HERC1: variants seen among roughly 807,000 people sequenced by gnomAD.
The protein encoded by HERC1 is probable E3 ubiquitin-protein ligase HERC1.
A neutral mutation model predicts 554.3 loss-of-function variants in HERC1; 160 were observed. The observed-to-expected ratio is 0.29, with a 90% CI of 0.25 to 0.33. The LOEUF (loss-of-function observed/expected upper bound fraction) is 0.33, where lower values mean the gene tolerates loss of function less well. Ranked by LOEUF, HERC1 falls within the 10% of genes least tolerant of loss-of-function variation. The probability of loss-of-function intolerance (pLI) is 1.00; values close to 1 mark genes in which losing one functional copy is unlikely to be tolerated. For synonymous variants in HERC1, 2,175 were observed against 2,131.7 expected (o/e 1.02, Z -0.56); for missense variants, 4,919 against 5,918.5 (o/e 0.83, Z 5.54).
At chr15:63,703,528 C>T (rs2072842188) in intron 25 of HERC1, among the ~76,000 whole-genome samples, 1 of 152,126 alleles carries the variant, frequency 6.6e-6, no homozygotes, top group African/African-American at 2.4e-5. Flanking sequence ...CTAGTAAATG[C>T]AAATGCTGTA....
At chr15:63,795,168 G>C (rs1249458291) in intron 1 of HERC1, among the ~76,000 whole-genome samples, 1 of 149,142 alleles carries the variant, frequency 6.7e-6, no homozygotes, top group African/African-American at 2.5e-5. Context: ...TATCAATACA[G>C]TTTTAAAGCA....
chr15:63,730,296 AT>A (rs1047918986), intron 14 of HERC1, among the ~76,000 whole-genome samples: 27 of 149,110 alleles, frequency 1.8e-4, no homozygotes, highest in African/African-American at 4.7e-4. Context: ...CTCTAAAAAA[AT>A]TTTTTTTTTT....
rs74449517 is a variant in HERC1, at chr15:63,768,067, T to C, written c.931-3876A>G. ...TCAGCTGTTCCAAATCCCTCACTTC[T>C]CAGATAGCTTTCAATAACTATGATA... is the stretch of plus-strand genomic sequence containing the variant. On this transcript the variant is annotated intron_variant, in intron 2 of 77. Coordinates refer to ENST00000443617, the MANE Select transcript of HERC1 (RefSeq NM_003922.4). Among the ~76,000 whole-genome samples the C allele has an allele frequency of 6.6e-5, 10 of 152,220 alleles. No homozygotes were observed. In the East Asian group the frequency reaches 1.9e-3, roughly 29 times the overall value.
chr15:63,648,054 T>C lies in HERC1; in HGVS notation c.10878+15A>G, dbSNP rs143199500. ...TTGTATCCCATAAAATTACGTTTTT[T>C]AAAGATGCATTTACCTTATGTGCAT... On this transcript the variant is annotated intron_variant, in intron 55 of 77. Coordinates refer to ENST00000443617, the MANE Select transcript of HERC1 (RefSeq NM_003922.4). 4.5e-6 allele frequency: 7 copies of C among 1,548,098 alleles called. No homozygotes were observed. In the East Asian group the frequency reaches 1.7e-4, roughly 38 times the overall value.
Position 63,645,030 on chromosome 15 carries a change from T to C in HERC1, c.11146A>G (p.Ser3716Gly), listed in dbSNP as rs1595883526. The C allele has an allele frequency of 6.2e-7, 1 of 1,613,690 alleles. No individual in the cohort carries two copies. The highest frequency in any genetic ancestry group is 2.2e-5 in the East Asian group (1 of 44,870). Residue 3716 changes from serine to glycine, a missense_variant, in exon 57 of 78, where the codon AGT (serine) becomes GGT (glycine). By Grantham distance (56) the Ser-to-Gly change is moderately conservative (BLOSUM62 0). Around this residue, in one of 11 missense-constraint regions of HERC1, gnomAD observed 1,963 missense variants for 2,228.6 expected, o/e 0.88. Coordinates refer to ENST00000443617, the MANE Select transcript of HERC1 (RefSeq NM_003922.4). ...PQDTTQTNVT[S>G]AEGWWEQESN... ...TCCTGCTCCCACCATCCTTCTGCACTAGTCACATTGGTCTGTGTAGTATCT... is the reference window on the plus strand; with the variant it reads ...TCCTGCTCCCACCATCCTTCTGCACCAGTCACATTGGTCTGTGTAGTATCT...
At chr15:63,791,401 A>G (rs73457121) in intron 1 of HERC1, among the ~76,000 whole-genome samples, 1,913 of 152,330 alleles carry the variant, frequency 0.013, 40 homozygotes, top group African/African-American at 0.04. Context: ...CTCTGTGTAT[A>G]TTCTGAAGAT....
chr15:63,694,962 T>A lies in HERC1; in HGVS notation c.5122-68A>T, dbSNP rs1294611794. 3.5e-6 allele frequency: 5 copies of A among 1,419,440 alleles called. No individual in the cohort carries two copies. In the African/African-American group the frequency reaches 7.2e-5, roughly 20 times the overall value. 87.9% of individuals were successfully genotyped at this position (1,419,440 alleles called of 1,614,324 possible). A position where few individuals can be genotyped will look rare whatever the true frequency, so the allele number is the denominator to read the frequency against. ...AATACCTGCTTGCAAAAAGAAGTAA[T>A]AACATTTTATTTCTAGTCTATGCTA... On this transcript the variant is annotated intron_variant, in intron 27 of 77. Coordinates refer to ENST00000443617, the MANE Select transcript of HERC1 (RefSeq NM_003922.4). This position sits in a 1 kb window ranked among gnomAD's most constrained non-coding sequence, Gnocchi z 4.3.
At chr15:63,731,165 T>C (rs575949050) in intron 14 of HERC1, among the ~76,000 whole-genome samples, 1 of 152,336 alleles carries the variant, frequency 6.6e-6, no homozygotes, top group Admixed American at 6.5e-5. Context: ...ACCACTCCTC[T>C]ATTTTTAGAT....
At chr15:63,772,393 A>C (rs1022719624) in intron 2 of HERC1, among the ~76,000 whole-genome samples, 2 of 152,010 alleles carry the variant, frequency 1.3e-5, no homozygotes, top group Non-Finnish European at 2.9e-5. Context: ...GCAATGATTA[A>C]TATCTTTTTT....
intron 26 of HERC1, among the ~76,000 whole-genome samples, chr15:63,696,933 T>TA (rs10546655): frequency 0.017 from 2,296 of 136,540 alleles, 42 homozygotes; most frequent in East Asian, 0.066. Flanking sequence ...CCTTCTTCTT[T>TA]AAAAAAAAAA....
chr15:63,833,751 G>GCACACACACACACACACACACA (rs1327103352), intron 1 of HERC1, 76 bp downstream of exon 1: 1 of 72,320 alleles, frequency 1.4e-5, no homozygotes, highest in Non-Finnish European at 3.5e-5. Flanking sequence ...ACACGCGCGC[G>GCACACACACACACACACACACA]CGCACACACA....
intron 7 of HERC1, 120 bp from the exon 8 acceptor site, chr15:63,753,205 G>C: frequency 1.6e-6 from 1 of 642,166 alleles, no homozygotes. Flanking sequence ...GATATGAAAA[G>C]CTATGTTTCT....
chr15:63,764,150 T>C lies in HERC1; in HGVS notation c.972A>G (p.Arg324=), dbSNP rs762926694. 1 of 1,611,286 alleles carries C rather than the reference T, an allele frequency of 6.2e-7. No homozygotes were observed. Among genetic ancestry groups the C allele is most frequent in the East Asian group, 2.2e-5 (1 of 44,862 alleles). Residue 324 remains arginine (R), a synonymous_variant, in exon 3 of 78, where the codon AGA becomes AGG. Coordinates refer to ENST00000443617, the MANE Select transcript of HERC1 (RefSeq NM_003922.4). ...AAAGGGAGCACAAGCCATCCGATGTTCTGGTTGGTTCTCTCCACTGACTCC... is the reference window on the plus strand; with the variant it reads ...AAAGGGAGCACAAGCCATCCGATGTCCTGGTTGGTTCTCTCCACTGACTCC... ...ADRSQWREPT[R]TSDGLCSLYE... is the part of the protein sequence containing the mutation.
rs538351619 is a variant in HERC1 at position 63,806,063 on chromosome 15, C to T, written c.-27+27764G>A. ...TTTTTCTTCTCAGTATATATTTTTT[C>T]TTAACATCAACCACTTCCTGTTCAT... On this transcript the variant is annotated intron_variant, in intron 1 of 77. Transcript: ENST00000443617. 3.9e-5 allele frequency among the ~76,000 whole-genome samples: 6 copies of T among 152,002 alleles called. No homozygotes were observed. In the South Asian group the frequency reaches 1.2e-3, roughly 32 times the overall value.
chr15:63,756,810 G>T lies in HERC1; in HGVS notation c.1222-62C>A. The T allele has an allele frequency of 9.2e-7, 1 of 1,085,206 alleles. No individual in the cohort carries two copies. The highest frequency in any genetic ancestry group is 1.3e-6 in the Non-Finnish European group (1 of 777,274). 67.2% of individuals were successfully genotyped at this position (1,085,206 alleles called of 1,614,324 possible). ...TGAGTATCAAAGTATAATATTTAAG[G>T]CTGGTTTTATCAAAGAGCCTCAAAG... On this transcript the variant is annotated intron_variant, in intron 4 of 77. Coordinates refer to ENST00000443617, the MANE Select transcript of HERC1 (RefSeq NM_003922.4). The surrounding 1 kb of genome is among the most constrained non-coding windows in gnomAD (Gnocchi z 5.0).
intron 47 of HERC1, among the ~76,000 whole-genome samples, chr15:63,659,013 A>G (rs568951546): frequency 6.6e-6 from 1 of 152,280 alleles, no homozygotes; most frequent in South Asian, 2.1e-4. Flanking sequence ...TATCACATCT[A>G]CTGATTATAA....
chr15:63,794,832 G>A (rs1051956529), intron 1 of HERC1, among the ~76,000 whole-genome samples: 4 of 151,988 alleles, frequency 2.6e-5, no homozygotes, highest in Admixed American at 6.6e-5. Context: ...TTGGGAGGCC[G>A]AGGTGGGCGG....
chr15:63,757,339 A>C (rs2075456623), intron 4 of HERC1, among the ~76,000 whole-genome samples: 1 of 131,060 alleles, frequency 7.6e-6, no homozygotes, highest in Non-Finnish European at 1.5e-5. Context: ...ATTTTGTTTC[A>C]CTATAACCTC....
Position 63,694,307 on chromosome 15 carries a change from C to T in HERC1, c.5480+5G>A, listed in dbSNP as rs980242619. The T allele has an allele frequency of 1.2e-6, 2 of 1,609,920 alleles. No individual in the cohort carries two copies. The highest frequency in any genetic ancestry group is 1.7e-6 in the Non-Finnish European group (2 of 1,177,862). ...CAGTTCTACAAAGACATCTACCATA[C>T]TTACCCAGTAGTGATGGCTAGAATC... On this transcript the variant is annotated splice_donor_5th_base_variant and intron_variant, in intron 29 of 77. Coordinates refer to ENST00000443617, the MANE Select transcript of HERC1 (RefSeq NM_003922.4). This position sits in a 1 kb window ranked among gnomAD's most constrained non-coding sequence, Gnocchi z 4.3.
Sources: allele counts gnomAD v4.1 joint callset (sites outside exome capture counted in the v4.1 genomes callset), GRCh38; gene constraint gnomAD v4.1.1; regional missense constraint gnomAD v4.1.1; non-coding constraint Gnocchi (gnomAD v3.1); transcripts MANE v1.5; gene names NCBI Gene and HGNC (gene_info 2026-07-23, HGNC 2026-07-21).